Variants in ROCK2 observed in about 807,000 individuals in gnomAD.
The protein encoded by ROCK2 is Rho associated coiled-coil containing protein kinase 2.
A neutral mutation model predicts 195.1 loss-of-function variants in ROCK2; 61 were observed. The observed-to-expected ratio is 0.31, with a 90% CI of 0.25 to 0.39. ROCK2 has a LOEUF of 0.39. Ranked by LOEUF, ROCK2 falls within the 10% of genes least tolerant of loss-of-function variation. The pLI is 1.00. For synonymous variants in ROCK2, 504 were observed against 545.5 expected (o/e 0.92, Z 1.06); for missense variants, 1,109 against 1,637.4 (o/e 0.68, Z 5.57).
At chr2:11,268,895 T>C (rs1216032845) in intron 3 of ROCK2, among the ~76,000 whole-genome samples, 1 of 152,152 alleles carries the variant, frequency 6.6e-6, no homozygotes, top group Non-Finnish European at 1.5e-5. Flanking sequence ...CAGTATCTAT[T>C]TTGTTCTATT....
At chr2:11,297,199 A>G (rs1272240476) in intron 1 of ROCK2, among the ~76,000 whole-genome samples, 1 of 152,140 alleles carries the variant, frequency 6.6e-6, no homozygotes, top group Non-Finnish European at 1.5e-5. Context: ...TAATGTTTAA[A>G]AAGTGCAGAA....
chr2:11,223,458 G>C (rs1035583975), intron 7 of ROCK2, among the ~76,000 whole-genome samples: 1 of 152,116 alleles, frequency 6.6e-6, no homozygotes, highest in African/African-American at 2.4e-5. Context: ...ATGCAGAGAT[G>C]AATGTGTGAG....
chr2:11,284,909 T>A (rs922564065), intron 3 of ROCK2, among the ~76,000 whole-genome samples: 2 of 152,156 alleles, frequency 1.3e-5, no homozygotes, highest in African/African-American at 4.8e-5. Flanking sequence ...ATACTTCAGG[T>A]TTAACTCATT....
At chr2:11,211,630 ATCAAT>A in intron 18 of ROCK2, 46 bp downstream of exon 18, 1 of 1,485,998 alleles carries the variant, frequency 6.7e-7, no homozygotes, top group African/African-American at 1.4e-5. Flanking sequence ...CTAACACAGA[ATCAAT>A]TCTTAGGAAG....
chr2:11,277,938 T>C (rs886347483), intron 3 of ROCK2, among the ~76,000 whole-genome samples: 2 of 152,182 alleles, frequency 1.3e-5, no homozygotes, highest in South Asian at 4.1e-4. Flanking sequence ...GCATTTGAAG[T>C]TCCTTTCATA....
At chr2:11,198,644 G>A (rs1419532188) in intron 24 of ROCK2, 37 bp downstream of exon 24, 7 of 1,564,020 alleles carry the variant, frequency 4.5e-6, no homozygotes, top group Non-Finnish European at 6.1e-6. Flanking sequence ...ATAAACATTA[G>A]GTATATTAAA....
chr2:11,338,424 A>T (rs895002700), intron 1 of ROCK2, among the ~76,000 whole-genome samples: 1 of 152,234 alleles, frequency 6.6e-6, no homozygotes, highest in African/African-American at 2.4e-5. Flanking sequence ...TGGATCAAAA[A>T]TAATTTGGAA....
intron 3 of ROCK2, among the ~76,000 whole-genome samples, chr2:11,256,483 A>G (rs2148138431): frequency 6.6e-6 from 1 of 151,490 alleles, no homozygotes; most frequent in South Asian, 2.1e-4. Flanking sequence ...CAGAACTGTG[A>G]GTCAATTAAA....
chr2:11,205,983 C>A (rs919320825), intron 20 of ROCK2, among the ~76,000 whole-genome samples: 32 of 151,986 alleles, frequency 2.1e-4, no homozygotes, highest in African/African-American at 7.7e-4. Flanking sequence ...GTGGTGGGCA[C>A]CTGTATTCCC....
chr2:11,274,694 C>T (rs1666763005), intron 3 of ROCK2, among the ~76,000 whole-genome samples: 1 of 152,172 alleles, frequency 6.6e-6, no homozygotes, highest in African/African-American at 2.4e-5. Flanking sequence ...ATTTCAATAA[C>T]ATCAATCATT....
intron 32 of ROCK2, chr2:11,184,917 C>T (rs551506660): frequency 1.6e-5 from 4 of 257,642 alleles, no homozygotes; most frequent in African/African-American, 2.3e-5. Context: ...TTAAGACGGA[C>T]GCACATAGGG....
chr2:11,182,103 G>A lies in ROCK2; in HGVS notation c.*1334C>T, dbSNP rs762014839. ...CACTTATCTGGGATCATGAGAATAC[G>A]GCAAGAATGTCCTGCGTAAACTGTA... On this transcript the variant is annotated 3_prime_UTR_variant, in exon 33 of 33. Coordinates refer to ENST00000315872, the MANE Select transcript of ROCK2 (RefSeq NM_004850.5). 6.6e-6 allele frequency: 1 copy of A among 151,780 alleles called. No individual in the cohort carries two copies. Among genetic ancestry groups the A allele is most frequent in the Non-Finnish European group, 1.5e-5 (1 of 67,974 alleles). 9.4% of individuals were successfully genotyped at this position (151,780 alleles called of 1,614,324 possible). A position where few individuals can be genotyped will look rare whatever the true frequency, so the allele number is the denominator to read the frequency against.
chr2:11,290,671 A>T (rs1283469448), intron 1 of ROCK2, among the ~76,000 whole-genome samples: 1 of 152,142 alleles, frequency 6.6e-6, no homozygotes. Flanking sequence ...GTACGTGCTA[A>T]AAGTCACAGA....
intron 3 of ROCK2, among the ~76,000 whole-genome samples, chr2:11,260,941 A>AGT (rs1666205189): frequency 6.6e-6 from 1 of 152,228 alleles, no homozygotes; most frequent in East Asian, 1.9e-4. Context: ...ACTTAAAATA[A>AGT]TCTATTACTT....
chr2:11,310,666 G>T (rs1187598402), intron 1 of ROCK2, among the ~76,000 whole-genome samples: 1 of 151,822 alleles, frequency 6.6e-6, no homozygotes, highest in Non-Finnish European at 1.5e-5. Context: ...TCCACGCTCT[G>T]CAAAATTCAC....
chr2:11,243,076 GGCA>G (rs570031032), intron 4 of ROCK2, among the ~76,000 whole-genome samples: 148 of 152,184 alleles, frequency 9.7e-4, no homozygotes, highest in African/African-American at 3.0e-3. Flanking sequence ...CAAGCAAAGG[GGCA>G]GCCTAGTGGG....
intron 1 of ROCK2, among the ~76,000 whole-genome samples, chr2:11,331,922 T>TCAA (rs1039228237): frequency 9.2e-5 from 14 of 151,790 alleles, no homozygotes; most frequent in Admixed American, 1.3e-4. Flanking sequence ...TGAGACTGTC[T>TCAA]CAACAACAAC....
At chr2:11,261,519 T>C (rs962367498) in intron 3 of ROCK2, among the ~76,000 whole-genome samples, 4 of 152,272 alleles carry the variant, frequency 2.6e-5, no homozygotes, top group African/African-American at 9.6e-5. Context: ...TACAGAGTAA[T>C]GTTTAAAAGC....
chr2:11,217,206 G>T, intron 11 of ROCK2, 37 bp from the exon 12 acceptor site: 3 of 1,069,048 alleles, frequency 2.8e-6, no homozygotes, highest in Non-Finnish European at 4.3e-6. Flanking sequence ...ACGTATTTTG[G>T]TCATATTTAA....
Sources: allele counts gnomAD v4.1 joint callset (sites outside exome capture counted in the v4.1 genomes callset), GRCh38; gene constraint gnomAD v4.1.1; transcripts MANE v1.5; gene names NCBI Gene and HGNC (gene_info 2026-07-23, HGNC 2026-07-21).